The following ADAM18 variants were observed in gnomAD, a reference collection of about 807,000 sequenced individuals.
ADAM18 encodes disintegrin and metalloproteinase domain-containing protein 18.
Under a neutral mutation model 94.4 loss-of-function variants are expected in ADAM18, and 117 were observed. The observed-to-expected ratio is 1.24, with a 90% confidence interval of 1.07 to 1.45. The LOEUF (loss-of-function observed/expected upper bound fraction) is 1.45, where lower values mean the gene tolerates loss of function less well. Ranked by LOEUF, ADAM18 falls within the 40% of genes most tolerant of loss-of-function variation. The probability of loss-of-function intolerance (pLI) is 0.00; values close to 1 mark genes in which losing one functional copy is unlikely to be tolerated. For missense variants in ADAM18, 936 were observed against 880.0 expected (o/e 1.06, Z -0.81); for synonymous variants, 327 against 291.6 (o/e 1.12, Z -1.24).
intron 19 of ADAM18, among the ~76,000 whole-genome samples, chr8:39,727,508 T>A (rs575101239): frequency 1.3e-5 from 2 of 152,194 alleles, no homozygotes; most frequent in Non-Finnish European, 2.9e-5. Context: ...CTGCCAGATA[T>A]CCTATATGGT....
intron 12 of ADAM18, among the ~76,000 whole-genome samples, chr8:39,650,613 A>G (rs760530666): frequency 1.3e-5 from 2 of 152,248 alleles, no homozygotes; most frequent in Non-Finnish European, 2.9e-5. Context: ...TGAAAACTAT[A>G]AAGCATTGTT....
intron 7 of ADAM18, among the ~76,000 whole-genome samples, chr8:39,636,057 C>T (rs1323484146): frequency 1.4e-5 from 2 of 147,884 alleles, no homozygotes; most frequent in Non-Finnish European, 3.0e-5. Flanking sequence ...CTCACTCTCT[C>T]ATGCAGCCTG....
At chr8:39,635,012 G>C (rs1412523070) in intron 7 of ADAM18, among the ~76,000 whole-genome samples, 1 of 152,106 alleles carries the variant, frequency 6.6e-6, no homozygotes, top group Non-Finnish European at 1.5e-5. Context: ...GGACCATTTA[G>C]AGGTGATTAG....
chr8:39,723,831 A>C lies in ADAM18; in HGVS notation c.2101A>C (p.Ile701Leu). 1 of 1,587,856 alleles carries C rather than the reference A, an allele frequency of 6.3e-7. No homozygotes were observed. Among genetic ancestry groups the C allele is most frequent in the Non-Finnish European group, 8.6e-7 (1 of 1,166,394 alleles). Residue 701 changes from isoleucine (I) to leucine (L), a missense_variant, in exon 19 of 20, where the codon ATA becomes CTA. Ile to Leu is a conservative substitution (Grantham distance 5). Transcript: ENST00000265707. The part of the protein sequence containing the change: ...LSFCIFLPFF[I>L]VFTTVIFKRN... Reference sequence around the variant, plus strand: ...TTTCTGCATTTTTCTGCCGTTTTTCATAGTTTTCACCACTGTGATCTTTAA... The same window carrying C: ...TTTCTGCATTTTTCTGCCGTTTTTCCTAGTTTTCACCACTGTGATCTTTAA...
chr8:39,646,808 G>A (rs1820392266), intron 11 of ADAM18, among the ~76,000 whole-genome samples: 1 of 152,158 alleles, frequency 6.6e-6, no homozygotes, highest in African/African-American at 2.4e-5. Context: ...TAGGTAATAT[G>A]AGATGAAATT....
chr8:39,704,417 T>C (rs1287545591), intron 17 of ADAM18, among the ~76,000 whole-genome samples: 1 of 152,124 alleles, frequency 6.6e-6, no homozygotes, highest in Non-Finnish European at 1.5e-5. Flanking sequence ...TGGAAATCAA[T>C]AGATGTGATT....
chr8:39,683,629 T>A (rs1303502662), intron 16 of ADAM18, among the ~76,000 whole-genome samples: 1 of 152,220 alleles, frequency 6.6e-6, no homozygotes, highest in Non-Finnish European at 1.5e-5. Context: ...ATGTGCATAG[T>A]GATATTTGCA....
chr8:39,664,167 G>T (rs1006230530), intron 13 of ADAM18, among the ~76,000 whole-genome samples: 4 of 152,182 alleles, frequency 2.6e-5, no homozygotes, highest in Non-Finnish European at 5.9e-5. Flanking sequence ...ATGCATGTGA[G>T]ATTTATTCCT....
At chr8:39,718,589 A>G (rs1047964606) in intron 18 of ADAM18, among the ~76,000 whole-genome samples, 1 of 151,436 alleles carries the variant, frequency 6.6e-6, no homozygotes, top group Non-Finnish European at 1.5e-5. Context: ...TAATGGGCAT[A>G]AAGTGTCAGT....
rs1300249267 is a variant in ADAM18 at position 39,623,229 on chromosome 8, A to G, written c.523-6145A>G. Among the ~76,000 whole-genome samples, 3 of 152,316 alleles carry G rather than the reference A, an allele frequency of 2.0e-5. No homozygotes were observed. The East Asian group carries it at 5.8e-4, about 29-fold the overall frequency. ...GGCTGAGTAGCATTCCATGGTGTAT[A>G]CATTATCCACTCACTGATTGATGTT... On this transcript the variant is annotated intron_variant, in intron 6 of 19. Transcript: ENST00000265707.
chr8:39,657,784 T>TA (rs1200470726), intron 12 of ADAM18, among the ~76,000 whole-genome samples: 6 of 152,150 alleles, frequency 3.9e-5, no homozygotes, highest in African/African-American at 1.4e-4. Flanking sequence ...GGAAATTGTA[T>TA]TTTGAATGAA....
chr8:39,718,740 C>CA (rs1439018957), intron 18 of ADAM18, among the ~76,000 whole-genome samples: 4 of 101,638 alleles, frequency 3.9e-5, no homozygotes, highest in South Asian at 2.9e-4. Flanking sequence ...AAAAATTTCA[C>CA]AAAAAATAGC....
chr8:39,606,311 T>C lies in ADAM18; in HGVS notation c.137T>C (p.Ile46Thr), dbSNP rs563088526. Reference sequence around the variant, plus strand: ...TACTGATGTGTTTTATTTTAGATGATTTACATCATTACAATTGATGGACAA... The same window carrying C: ...TACTGATGTGTTTTATTTTAGATGACTTACATCATTACAATTGATGGACAA... ...NDSEVSERKM[I>T]YIITIDGQPY... The change falls in exon 3 of 20, where the codon ATT becomes ACT. Residue 46 changes from isoleucine to threonine, a missense_variant. Ile to Thr is a moderately conservative substitution (Grantham distance 89). Transcript: ENST00000265707. 1 of 1,539,920 alleles carries C rather than the reference T, an allele frequency of 6.5e-7. No individual in the cohort carries two copies. Among genetic ancestry groups the C allele is most frequent in the Non-Finnish European group, 8.8e-7 (1 of 1,131,516 alleles).
At chr8:39,711,042 A>G (rs1175775582) in intron 18 of ADAM18, among the ~76,000 whole-genome samples, 2 of 152,170 alleles carry the variant, frequency 1.3e-5, no homozygotes, top group Non-Finnish European at 2.9e-5. Context: ...GTTAAGAGTT[A>G]TTTTGTTTGT....
intron 6 of ADAM18, among the ~76,000 whole-genome samples, chr8:39,614,072 A>AAT (rs1278703743): frequency 1.3e-5 from 2 of 152,204 alleles, no homozygotes; most frequent in African/African-American, 2.4e-5. Context: ...TTTTTCACAA[A>AAT]ATATTTCCAA....
intron 17 of ADAM18, among the ~76,000 whole-genome samples, chr8:39,705,142 C>T (rs1822204749): frequency 1.3e-5 from 2 of 152,106 alleles, no homozygotes; most frequent in Admixed American, 1.3e-4. Flanking sequence ...AGGGAAGAGT[C>T]TGATGCTATA....
chr8:39,592,805 C>G (rs1289365917), intron 2 of ADAM18, among the ~76,000 whole-genome samples: 1 of 152,132 alleles, frequency 6.6e-6, no homozygotes, highest in African/African-American at 2.4e-5. Context: ...AACAATCAAG[C>G]ACGTGTACCC....
intron 14 of ADAM18, among the ~76,000 whole-genome samples, chr8:39,672,086 G>A (rs915146380): frequency 2.0e-5 from 3 of 152,124 alleles, no homozygotes; most frequent in Admixed American, 1.3e-4. Flanking sequence ...AAGATTACTC[G>A]CCCTAAGTGA....
chr8:39,687,543 T>A (rs1231165174), intron 16 of ADAM18, among the ~76,000 whole-genome samples: 2 of 152,158 alleles, frequency 1.3e-5, no homozygotes, highest in Non-Finnish European at 2.9e-5. Context: ...CACTGAGGCT[T>A]GGTGTACAAA....
Sources: allele counts gnomAD v4.1 joint callset (sites outside exome capture counted in the v4.1 genomes callset), GRCh38; gene constraint gnomAD v4.1.1; transcripts MANE v1.5; gene names NCBI Gene and HGNC (gene_info 2026-07-23, HGNC 2026-07-21).